The following CGGBP1 variants were observed in gnomAD, a reference collection of about 807,000 sequenced individuals.
CGGBP1 encodes CGG triplet repeat binding protein 1.
In CGGBP1, 4 loss-of-function variants were observed where a neutral mutation model predicts 11.4. The observed-to-expected ratio is 0.35, with a 90% CI of 0.17 to 0.80. The LOEUF is 0.80. CGGBP1 is among the 30% of genes least tolerant of loss of function. The pLI is 0.52. For missense variants in CGGBP1, 135 were observed against 202.1 expected, an observed-to-expected ratio of 0.67 and a Z score of 2.01; for synonymous variants, 76 against 74.1, an observed-to-expected ratio of 1.03 and a Z score of -0.13.
chr3:88,055,662 C>G lies in CGGBP1; in HGVS notation c.315G>C (p.Gln105His), dbSNP rs760585998. 6.2e-7 allele frequency: 1 copy of G among 1,614,186 alleles called. No homozygotes were observed. The highest frequency in any genetic ancestry group is 1.1e-5 in the South Asian group (1 of 91,088). The change falls in exon 4 of 4, where the codon CAG becomes CAC. Residue 105 changes from glutamine (Q) to histidine (H), a missense_variant. Coordinates refer to ENST00000482016, the MANE Select transcript of CGGBP1 (RefSeq NM_001008390.2). This position sits in a 1 kb window ranked among gnomAD's most constrained non-coding sequence, Gnocchi z 4.2. ...TAQTEKVSVI[Q>H]DFVKMCLEAN... ...CTTCCAGGCACATTTTCACAAAGTC[C>G]TGGATAACACTGACTTTCTCTGTTT...
intron 1 of CGGBP1, 66 bp from the exon 2 acceptor site, chr3:88,058,289 G>A (rs1259099757): frequency 1.3e-5 from 2 of 152,348 alleles, no homozygotes; most frequent in South Asian, 2.1e-4. Flanking sequence ...CTGAAAAGAT[G>A]AACAAGAACG....
At chr3:88,094,738 G>C (rs1454318273) in intron 2 of CGGBP1, among the ~76,000 whole-genome samples, 1 of 151,864 alleles carries the variant, frequency 6.6e-6, no homozygotes, top group African/African-American at 2.4e-5. Flanking sequence ...ATTTTGAATG[G>C]CTTAATCTTG....
intron 1 of CGGBP1, among the ~76,000 whole-genome samples, chr3:88,147,971 G>T (rs1489838749): frequency 6.6e-6 from 1 of 152,198 alleles, no homozygotes; most frequent in East Asian, 1.9e-4. Flanking sequence ...CCCTGCGTTA[G>T]ATCAGTCTTG....
intron 2 of CGGBP1, among the ~76,000 whole-genome samples, chr3:88,082,479 A>G (rs1230213303): frequency 2.6e-5 from 4 of 152,202 alleles, no homozygotes; most frequent in Admixed American, 2.6e-4. Context: ...GATGAACTTA[A>G]TATTAGTGAA....
intron 2 of CGGBP1, among the ~76,000 whole-genome samples, chr3:88,101,063 G>T (rs1704392829): frequency 6.6e-6 from 1 of 152,112 alleles, no homozygotes; most frequent in Non-Finnish European, 1.5e-5. Flanking sequence ...TGTCAATCTT[G>T]TTTCAGCTGT....
At position 88,093,120 on chromosome 3, in the gene CGGBP1, T is replaced by C. The variant is rs575077843; in HGVS notation, c.-228-34897A>G. 7.9e-5 allele frequency among the ~76,000 whole-genome samples: 12 copies of C among 152,306 alleles called. No individual in the cohort carries two copies. The South Asian group carries it at 2.3e-3, about 29-fold the overall frequency. On this transcript the variant is annotated intron_variant, in intron 2 of 3. Coordinates refer to the CGGBP1 transcript ENST00000462901. The stretch of plus-strand genomic sequence containing the variant: ...TGCATATGGACCTCAAATTCATTCT[T>C]TGTAGATAAGAAAACTGAAGCCTGA...
chr3:88,122,985 G>A (rs1261834698), intron 2 of CGGBP1, among the ~76,000 whole-genome samples: 2 of 150,438 alleles, frequency 1.3e-5, no homozygotes, highest in Non-Finnish European at 3.0e-5. Context: ...ACTCCTGCCT[G>A]GGCGACAGAG....
rs187677284 is a variant in CGGBP1 at position 88,072,510 on chromosome 3, T to A, written c.-228-14287A>T. 2.6e-5 allele frequency among the ~76,000 whole-genome samples: 4 copies of A among 152,316 alleles called. No homozygotes were observed. In the East Asian group the frequency reaches 7.7e-4, roughly 29 times the overall value. On this transcript the variant is annotated intron_variant, in intron 2 of 3. Transcript: ENST00000462901. ...GTGTCTTTGCCACTCCTTGTACATA[T>A]CTGCTTCTTGGCTTTTGTTTTGTCT...
chr3:88,129,655 T>G (rs1196805253), intron 2 of CGGBP1: 2 of 1,362,906 alleles, frequency 1.5e-6, no homozygotes, highest in Non-Finnish European at 1.9e-6. Context: ...TATTTTTAAT[T>G]ATATGAACTG....
chr3:88,127,454 AAAC>A (rs1156965776), intron 2 of CGGBP1, among the ~76,000 whole-genome samples: 1 of 150,796 alleles, frequency 6.6e-6, no homozygotes, highest in Non-Finnish European at 1.5e-5. Context: ...GTTAAAAAAA[AAAC>A]TAAAAGGGAG....
intron 2 of CGGBP1, among the ~76,000 whole-genome samples, chr3:88,070,750 C>T (rs1438439856): frequency 2.0e-5 from 3 of 152,144 alleles, no homozygotes; most frequent in Non-Finnish European, 4.4e-5. Context: ...CCTAGATTCT[C>T]GTTTATCCTT....
intron 2 of CGGBP1, among the ~76,000 whole-genome samples, chr3:88,127,718 T>C (rs1371633695): frequency 6.6e-6 from 1 of 152,180 alleles, no homozygotes; most frequent in Non-Finnish European, 1.5e-5. Context: ...GTCTGAGGGC[T>C]GATGGCCTTT....
intron 2 of CGGBP1, among the ~76,000 whole-genome samples, chr3:88,104,881 G>A (rs1200145144): frequency 6.6e-6 from 1 of 152,242 alleles, no homozygotes; most frequent in Non-Finnish European, 1.5e-5. Context: ...GCTTACGCCT[G>A]TAATCCCAGC....
chr3:88,146,153 A>G (rs1166627285), intron 1 of CGGBP1, among the ~76,000 whole-genome samples: 2 of 152,186 alleles, frequency 1.3e-5, no homozygotes, highest in Admixed American at 6.5e-5. Context: ...CATCACCTGG[A>G]AATTTGTTAG....
intron 2 of CGGBP1, among the ~76,000 whole-genome samples, chr3:88,095,159 A>G (rs1703984020): frequency 6.6e-6 from 1 of 152,080 alleles, no homozygotes; most frequent in South Asian, 2.1e-4. Context: ...ATAAGAAAAA[A>G]TTTGCTCCTT....
At chr3:88,072,787 A>G (rs1250452510) in intron 2 of CGGBP1, among the ~76,000 whole-genome samples, 2 of 152,236 alleles carry the variant, frequency 1.3e-5, no homozygotes, top group Admixed American at 6.5e-5. Context: ...CTTGGTACAC[A>G]GTAGGCACTC....
At chr3:88,100,098 A>C (rs1186520098) in intron 2 of CGGBP1, among the ~76,000 whole-genome samples, 7 of 152,244 alleles carry the variant, frequency 4.6e-5, no homozygotes, top group Middle Eastern at 6.3e-3. Flanking sequence ...TAATATCCAG[A>C]ATCTACAAAG....
At chr3:88,139,908 A>T in intron 2 of CGGBP1, 1 of 1,613,454 alleles carries the variant, frequency 6.2e-7, no homozygotes, top group Non-Finnish European at 8.5e-7. Flanking sequence ...AGGAAACTTT[A>T]AGTGTCCTGC....
chr3:88,115,991 GA>G (rs1013186197), intron 2 of CGGBP1, among the ~76,000 whole-genome samples: 5 of 152,288 alleles, frequency 3.3e-5, no homozygotes, highest in Non-Finnish European at 7.4e-5. Context: ...ATGAAACAGG[GA>G]AATGTGTGAG....
Sources: gnomAD v4.1 joint callset for allele counts (sites outside exome capture counted in the v4.1 genomes callset) on GRCh38, gnomAD v4.1.1 for gene constraint, Gnocchi (gnomAD v3.1) non-coding constraint, MANE v1.5 for transcripts, NCBI Gene and HGNC (gene_info 2026-07-23, HGNC 2026-07-21) for gene names.